Variants in IDE observed in about 807,000 individuals in gnomAD.
IDE encodes the protein insulin-degrading enzyme.
Under a neutral mutation model 133.2 loss-of-function variants are expected in IDE, and 58 were observed. The observed-to-expected ratio is 0.44, with a 90% CI of 0.35 to 0.54. The LOEUF (loss-of-function observed/expected upper bound fraction) is 0.54, where lower values mean the gene tolerates loss of function less well. Among genes scored for constraint, IDE ranks in the 20% least tolerant of loss-of-function variants. IDE has a pLI of 0.00. For missense variants in IDE, 981 were observed against 1,234.0 expected (o/e 0.79, Z 3.07); for synonymous variants, 396 against 421.3 (o/e 0.94, Z 0.73).
intron 1 of IDE, among the ~76,000 whole-genome samples, chr10:92,563,985 G>C (rs1843403301): frequency 6.6e-6 from 1 of 152,030 alleles, no homozygotes. Flanking sequence ...CTAGATGGAG[G>C]GAGTGGAAGC....
intron 22 of IDE, among the ~76,000 whole-genome samples, chr10:92,456,844 CAAAAAAAAAAAAAAA>C (rs57422406): frequency 1.2e-3 from 65 of 52,188 alleles, no homozygotes; most frequent in African/African-American, 3.4e-3. Context: ...GACTCTGTCT[CAAAAAAAAAAAAAAA>C]AAAAAAAAAA....
At chr10:92,485,792 A>G (rs935607596) in intron 13 of IDE, among the ~76,000 whole-genome samples, 6 of 152,028 alleles carry the variant, frequency 3.9e-5, no homozygotes, top group African/African-American at 1.4e-4. Context: ...AAAATTAAAA[A>G]CAAACTAGCT....
At chr10:92,548,524 A>G (rs953382136) in intron 1 of IDE, among the ~76,000 whole-genome samples, 2 of 152,128 alleles carry the variant, frequency 1.3e-5, no homozygotes, top group Non-Finnish European at 2.9e-5. Context: ...AGTTCCTGGT[A>G]CACAGTAGTC....
intron 1 of IDE, among the ~76,000 whole-genome samples, chr10:92,564,457 AG>A (rs1843425032): frequency 6.6e-6 from 1 of 151,958 alleles, no homozygotes; most frequent in South Asian, 2.1e-4. Context: ...AGATCACTTG[AG>A]GTCAGGAGTT....
intron 4 of IDE, among the ~76,000 whole-genome samples, chr10:92,527,732 C>A (rs1411453027): frequency 6.6e-6 from 1 of 152,126 alleles, no homozygotes; most frequent in Admixed American, 6.6e-5. Flanking sequence ...GATACAAGAA[C>A]ATGGCCGGGC....
chr10:92,561,959 A>G (rs1362648802), intron 1 of IDE, among the ~76,000 whole-genome samples: 2 of 152,192 alleles, frequency 1.3e-5, no homozygotes, highest in African/African-American at 4.8e-5. Flanking sequence ...ATCACTGTAT[A>G]GAACGGATCA....
chr10:92,547,200 C>A (rs12219325), intron 1 of IDE, among the ~76,000 whole-genome samples: 1 of 151,844 alleles, frequency 6.6e-6, no homozygotes, highest in East Asian at 1.9e-4. Context: ...CAGCCTCCTG[C>A]GCAGCTGGGA....
intron 1 of IDE, among the ~76,000 whole-genome samples, chr10:92,558,129 C>T (rs746212048): frequency 1.5e-4 from 23 of 151,776 alleles, no homozygotes; most frequent in East Asian, 3.9e-4. Flanking sequence ...CTCAGCTCAC[C>T]GCAACGTCCA....
chr10:92,553,730 C>T (rs1842894511), intron 1 of IDE, among the ~76,000 whole-genome samples: 1 of 152,016 alleles, frequency 6.6e-6, no homozygotes, highest in Admixed American at 6.6e-5. Flanking sequence ...ATTGAAAAAT[C>T]TAGAAAAAAT....
At chr10:92,527,690 T>C (rs1184865414) in intron 4 of IDE, among the ~76,000 whole-genome samples, 2 of 152,196 alleles carry the variant, frequency 1.3e-5, no homozygotes, top group African/African-American at 4.8e-5. Context: ...TGAAATAATT[T>C]TTACCCCAGC....
chr10:92,520,435 C>T (rs1044293216), intron 4 of IDE, among the ~76,000 whole-genome samples: 13 of 152,018 alleles, frequency 8.6e-5, no homozygotes, highest in Admixed American at 5.2e-4. Context: ...GTTTTAGAAA[C>T]GTCTTAGAAA....
intron 17 of IDE, among the ~76,000 whole-genome samples, chr10:92,473,144 A>G (rs7087153): frequency 0.14 from 21,378 of 150,826 alleles, 2,002 homozygotes; most frequent in African/African-American, 0.25. Context: ...GGGATTCACC[A>G]TGGTCTCCAT....
intron 11 of IDE, among the ~76,000 whole-genome samples, chr10:92,500,802 G>T (rs1847964999): frequency 6.7e-6 from 1 of 149,712 alleles, no homozygotes. Context: ...TCCTTTGTAT[G>T]TCCATATAAA....
intron 1 of IDE, among the ~76,000 whole-genome samples, chr10:92,567,160 G>A (rs1205664066): frequency 6.6e-6 from 1 of 152,176 alleles, no homozygotes; most frequent in African/African-American, 2.4e-5. Flanking sequence ...CTACAAGACT[G>A]TGCCCACTGC....
chr10:92,504,785 G>A lies in IDE; in HGVS notation c.1430+9C>T. 2 of 1,421,532 alleles carry A rather than the reference G, an allele frequency of 1.4e-6. No homozygotes were observed. Among genetic ancestry groups the A allele is most frequent in the South Asian group, 2.3e-5 (2 of 85,696 alleles). The allele number at this position is 1,421,532 out of a possible 1,614,324, so 88.1% of individuals were successfully genotyped here. On this transcript the variant is annotated intron_variant, in intron 11 of 24. Transcript: ENST00000265986. ...AGTGTATAATAGTAAAATCTGTATGGTGACTCACCGGACATTTTCTGGTCT... is the reference window on the plus strand; with the variant it reads ...AGTGTATAATAGTAAAATCTGTATGATGACTCACCGGACATTTTCTGGTCT...
At chr10:92,477,661 A>C (rs1846350472) in intron 15 of IDE, among the ~76,000 whole-genome samples, 1 of 152,244 alleles carries the variant, frequency 6.6e-6, no homozygotes, top group African/African-American at 2.4e-5. Flanking sequence ...CACGGCAAGC[A>C]CATCATTTTT....
At chr10:92,473,689 C>G (rs1846102105) in intron 17 of IDE, among the ~76,000 whole-genome samples, 1 of 151,824 alleles carries the variant, frequency 6.6e-6, no homozygotes, top group Non-Finnish European at 1.5e-5. Context: ...TTTCTTAAAA[C>G]TTCAATATTG....
intron 1 of IDE, among the ~76,000 whole-genome samples, chr10:92,539,679 G>A (rs570304050): frequency 3.9e-5 from 6 of 152,054 alleles, no homozygotes; most frequent in South Asian, 2.1e-4. Context: ...CAAGAGAATC[G>A]CTTCAACCCG....
chr10:92,531,359 C>T (rs1443765978), intron 4 of IDE, among the ~76,000 whole-genome samples: 1 of 152,046 alleles, frequency 6.6e-6, no homozygotes, highest in Non-Finnish European at 1.5e-5. Flanking sequence ...ATAGCAGACG[C>T]TATGCATCTG....
Sources: allele counts gnomAD v4.1 joint callset (sites outside exome capture counted in the v4.1 genomes callset), GRCh38; gene constraint gnomAD v4.1.1; transcripts MANE v1.5; gene names NCBI Gene and HGNC (gene_info 2026-07-23, HGNC 2026-07-21).